The following OR5M8 variants were observed in gnomAD, a reference collection of about 807,000 sequenced individuals.
OR5M8 encodes olfactory receptor family 5 subfamily M member 8.
For missense variants in OR5M8, 445 were observed against 379.3 expected (o/e 1.17, Z -1.44); for synonymous variants, 163 against 141.5 (o/e 1.15, Z -1.08).
Position 56,491,298 on chromosome 11 carries a change from G to C in OR5M8, c.73C>G (p.Leu25Val), listed in dbSNP as rs776847184. 1 of 1,613,942 alleles carries C rather than the reference G, an allele frequency of 6.2e-7. No individual in the cohort carries two copies. Among genetic ancestry groups the C allele is most frequent in the African/African-American group, 1.3e-5 (1 of 75,032 alleles). The change falls in exon 1 of 1, where the codon CTC becomes GTC. Residue 25 changes from leucine (L) to valine (V), a missense_variant. Transcript: ENST00000327216. ...GLTSRRELQI[L>V]LFTLFLAIYM... ...ATGGCCAGAAACAGCGTGAAGAGGA[G>C]AATTTGTAATTCCCGGCGACTGGTC...
rs1423118549 is a variant in OR5M8 at position 56,491,198 on chromosome 11, A to T, written c.173T>A (p.Met58Lys). ...GGATAAGTGGCTCAGGAAAAAGTACATGGGCATGTGGAGCCAGGCGTTGGC... is the reference window on the plus strand; with the variant it reads ...GGATAAGTGGCTCAGGAAAAAGTACTTGGGCATGTGGAGCCAGGCGTTGGC... ...IQANAWLHMP[M>K]YFFLSHLSFV... The change falls in exon 1 of 1, where the codon ATG becomes AAG. Residue 58 changes from methionine (M) to lysine (K), a missense_variant. Met to Lys is a moderately conservative substitution (Grantham distance 95). Transcript: ENST00000327216. 1 of 1,614,098 alleles carries T rather than the reference A, an allele frequency of 6.2e-7. No homozygotes were observed. Among genetic ancestry groups the T allele is most frequent in the South Asian group, 1.1e-5 (1 of 91,084 alleles).
rs1434403732 is a variant in OR5M8, at chr11:56,490,989, G to A, written c.382C>T (p.Pro128Ser). 1.2e-6 allele frequency: 2 copies of A among 1,614,152 alleles called. No homozygotes were observed. The highest frequency in any genetic ancestry group is 1.7e-6 in the Non-Finnish European group (2 of 1,179,998). The change falls in exon 1 of 1, where the codon CCT (proline) becomes TCT (serine). Residue 128 changes from proline (P) to serine (S), a missense_variant. Transcript: ENST00000327216. ...GACATTCTGCTGCCATAAAGCAGAG[G>A]GTTGCAGATGGCCATGTACCGGTCA... is the stretch of plus-strand genomic sequence containing the variant. Reference protein sequence around the residue: ...AFDRYMAICNPLLYGSRMSKS... With the variant: ...AFDRYMAICNSLLYGSRMSKS...
chr11:56,491,268 T>A lies in OR5M8; in HGVS notation c.103A>T (p.Met35Leu), dbSNP rs779390530. 6.2e-7 allele frequency: 1 copy of A among 1,613,976 alleles called. No individual in the cohort carries two copies. Among genetic ancestry groups the A allele is most frequent in the African/African-American group, 1.3e-5 (1 of 74,906 alleles). The stretch of plus-strand genomic sequence containing the variant: ...CCAAGGTTCCCTGCCACCGTGACCA[T>A]GTAAATGGCCAGAAACAGCGTGAAG... ...LLFTLFLAIY[M>L]VTVAGNLGMI... is the part of the protein sequence containing the mutation. Residue 35 changes from methionine to leucine, a missense_variant, in exon 1 of 1, where the codon ATG (methionine) becomes TTG (leucine). Met to Leu is a conservative substitution (Grantham distance 15). Coordinates refer to ENST00000327216, the MANE Select transcript of OR5M8 (RefSeq NM_001005282.1).
Position 56,491,062 on chromosome 11 carries a change from A to G in OR5M8, c.309T>C (p.Phe103=). 6.2e-7 allele frequency: 1 copy of G among 1,614,180 alleles called. No individual in the cohort carries two copies. Among genetic ancestry groups the G allele is most frequent in the Non-Finnish European group, 8.5e-7 (1 of 1,179,984 alleles). ...AGATCTCAACATGGACCAAGGCGAT[A>G]AAAAGGTAACACTGCACAAGACAGG... ...YPACLVQCYL[F]IALVHVEIYI... is the part of the protein sequence containing the mutation. The change falls in exon 1 of 1, where the codon TTT becomes TTC. Residue 103 remains phenylalanine (F), a synonymous_variant. Coordinates refer to ENST00000327216, the MANE Select transcript of OR5M8 (RefSeq NM_001005282.1).
In OR5M8 at chr11:56,491,249, T is replaced by G. The variant is rs750183684; in HGVS notation, c.122A>C (p.Asn41Thr). ...LAIYMVTVAG[N>T]LGMIVLIQAN... is the part of the protein sequence containing the mutation. ...CTGGATGAGGACAATCATGCCAAGGTTCCCTGCCACCGTGACCATGTAAAT... is the reference window on the plus strand; with the variant it reads ...CTGGATGAGGACAATCATGCCAAGGGTCCCTGCCACCGTGACCATGTAAAT... The change falls in exon 1 of 1, where the codon AAC becomes ACC. Residue 41 changes from asparagine (N) to threonine (T), a missense_variant. Coordinates refer to ENST00000327216, the MANE Select transcript of OR5M8 (RefSeq NM_001005282.1). 3 of 1,613,834 alleles carry G rather than the reference T, an allele frequency of 1.9e-6. No homozygotes were observed. In the South Asian group the frequency reaches 3.3e-5, roughly 18 times the overall value.
At position 56,491,074 on chromosome 11, in the gene OR5M8, C is replaced by G; in HGVS notation, c.297G>C (p.Gln99His). 1.2e-6 allele frequency: 2 copies of G among 1,614,226 alleles called. No individual in the cohort carries two copies. The highest frequency in any genetic ancestry group is 1.7e-6 in the Non-Finnish European group (2 of 1,180,038). The change falls in exon 1 of 1, where the codon CAG (glutamine) becomes CAC (histidine). Residue 99 changes from glutamine (Q) to histidine (H), a missense_variant. Gln to His is a conservative substitution (Grantham distance 24, BLOSUM62 0). Coordinates refer to ENST00000327216, the MANE Select transcript of OR5M8 (RefSeq NM_001005282.1). ...GGACCAAGGCGATAAAAAGGTAACA[C>G]TGCACAAGACAGGCAGGATAGGAAA... ...KSISYPACLVQCYLFIALVHV... is the reference protein window; with the variant it reads ...KSISYPACLVHCYLFIALVHV...
chr11:56,491,185 C>G lies in OR5M8; in HGVS notation c.186G>C (p.Leu62=). 1 of 1,614,146 alleles carries G rather than the reference C, an allele frequency of 6.2e-7. No individual in the cohort carries two copies. Among genetic ancestry groups the G allele is most frequent in the Non-Finnish European group, 8.5e-7 (1 of 1,180,024 alleles). The change falls in exon 1 of 1, where the codon CTG becomes CTC. Residue 62 remains leucine, a synonymous_variant. Transcript: ENST00000327216. ...AWLHMPMYFF[L]SHLSFVDLCF... is the part of the protein sequence containing the mutation. ...ACAGATCCACGAAGGATAAGTGGCT[C>G]AGGAAAAAGTACATGGGCATGTGGA...
chr11:56,490,897 C>T lies in OR5M8; in HGVS notation c.474G>A (p.Glu158=), dbSNP rs746853703. The change falls in exon 1 of 1, where the codon GAG becomes GAA. Residue 158 remains glutamate (E), a synonymous_variant. Coordinates refer to ENST00000327216, the MANE Select transcript of OR5M8 (RefSeq NM_001005282.1). ...AGGCTAGGTTGTAGGTCCACATGGT[C>T]TCCATCAGGCCAGTGAGCGCTCCAT... is the stretch of plus-strand genomic sequence containing the variant. The part of the protein sequence containing the change: ...YVYGALTGLM[E]TMWTYNLAFC... The T allele has an allele frequency of 1.9e-6, 3 of 1,613,786 alleles. No homozygotes were observed. The highest frequency in any genetic ancestry group is 2.5e-6 in the Non-Finnish European group (3 of 1,179,908).
rs574852072 is a variant in OR5M8 at position 56,491,312 on chromosome 11, C to T, written c.59G>A (p.Arg20Gln). 2.1e-4 allele frequency: 342 copies of T among 1,613,612 alleles called. 7 individuals are homozygous for T. The South Asian group carries it at 2.9e-3, about 13-fold the overall frequency. Reference sequence around the variant, plus strand: ...CGTGAAGAGGAGAATTTGTAATTCCCGGCGACTGGTCAGTCCCAGGAGAAT... The same window carrying T: ...CGTGAAGAGGAGAATTTGTAATTCCTGGCGACTGGTCAGTCCCAGGAGAAT... ...EFILLGLTSR[R>Q]ELQILLFTLF... The change falls in exon 1 of 1, where the codon CGG becomes CAG. Residue 20 changes from arginine to glutamine, a missense_variant. Transcript: ENST00000327216.
rs1193734234 is a variant in OR5M8, at chr11:56,491,006, T to C, written c.365A>G (p.Tyr122Cys). The C allele has an allele frequency of 1.9e-6, 3 of 1,614,084 alleles. No homozygotes were observed. Among genetic ancestry groups the C allele is most frequent in the Non-Finnish European group, 2.5e-6 (3 of 1,179,962 alleles). ...YILAVMAFDR[Y>C]MAICNPLLYG... is the part of the protein sequence containing the mutation. ...AAGCAGAGGGTTGCAGATGGCCATG[T>C]ACCGGTCAAAGGCCATCACAGCCAG... is the stretch of plus-strand genomic sequence containing the variant. Residue 122 changes from tyrosine to cysteine, a missense_variant, in exon 1 of 1, where the codon TAC becomes TGC. Transcript: ENST00000327216.
rs769202305 is a variant in OR5M8 at position 56,490,619 on chromosome 11, T to C, written c.752A>G (p.Tyr251Cys). ...GAGATACATGAAGAAAAGGGTTGCA[T>C]AGAATATAGTGACAGCTGTCAGATG... ...GSHLTAVTIF[Y>C]ATLFFMYLRP... Residue 251 changes from tyrosine to cysteine, a missense_variant, in exon 1 of 1, where the codon TAT becomes TGT. Coordinates refer to ENST00000327216, the MANE Select transcript of OR5M8 (RefSeq NM_001005282.1). 5.0e-6 allele frequency: 8 copies of C among 1,613,906 alleles called. No individual in the cohort carries two copies. Among genetic ancestry groups the C allele is most frequent in the African/African-American group, 2.7e-5 (2 of 74,910 alleles).
At position 56,491,179 on chromosome 11, in the gene OR5M8, G is replaced by C. The variant is rs1853849565; in HGVS notation, c.192C>G (p.His64Gln). 1 of 1,614,102 alleles carries C rather than the reference G, an allele frequency of 6.2e-7. No homozygotes were observed. Among genetic ancestry groups the C allele is most frequent in the African/African-American group, 1.3e-5 (1 of 74,932 alleles). Residue 64 changes from histidine (H) to glutamine (Q), a missense_variant, in exon 1 of 1, where the codon CAC (histidine) becomes CAG (glutamine). Transcript: ENST00000327216. ...LHMPMYFFLSHLSFVDLCFSS... is the reference protein window; with the variant it reads ...LHMPMYFFLSQLSFVDLCFSS... ...AGAAGCACAGATCCACGAAGGATAAGTGGCTCAGGAAAAAGTACATGGGCA... is the reference window on the plus strand; with the variant it reads ...AGAAGCACAGATCCACGAAGGATAACTGGCTCAGGAAAAAGTACATGGGCA...
chr11:56,491,188 G>C lies in OR5M8; in HGVS notation c.183C>G (p.Phe61Leu). 3.7e-6 allele frequency: 6 copies of C among 1,614,178 alleles called. No homozygotes were observed. The highest frequency in any genetic ancestry group is 5.1e-6 in the Non-Finnish European group (6 of 1,180,026). The change falls in exon 1 of 1, where the codon TTC (phenylalanine) becomes TTG (leucine). Residue 61 changes from phenylalanine (F) to leucine (L), a missense_variant. Physicochemically the swap from Phe to Leu is conservative, Grantham distance 22. Coordinates refer to ENST00000327216, the MANE Select transcript of OR5M8 (RefSeq NM_001005282.1). ...NAWLHMPMYF[F>L]LSHLSFVDLC... ...GATCCACGAAGGATAAGTGGCTCAG[G>C]AAAAAGTACATGGGCATGTGGAGCC...
Position 56,490,553 on chromosome 11 carries a change from A to G in OR5M8, c.818T>C (p.Val273Ala). ...GATTACTGTGGTATAAAATACAGCT[A>G]CCATTTTACCCTGTTCAACAGATTC... Reference protein sequence around the residue: ...SKESVEQGKMVAVFYTTVIPM... With the variant: ...SKESVEQGKMAAVFYTTVIPM... Residue 273 changes from valine (V) to alanine (A), a missense_variant, in exon 1 of 1, where the codon GTA (valine) becomes GCA (alanine). Physicochemically the swap from Val to Ala is moderately conservative, Grantham distance 64. Transcript: ENST00000327216. 4.3e-6 allele frequency: 7 copies of G among 1,611,872 alleles called. No homozygotes were observed. The highest frequency in any genetic ancestry group is 5.9e-6 in the Non-Finnish European group (7 of 1,177,908).
Position 56,490,566 on chromosome 11 carries a change from G to T in OR5M8, c.805C>A (p.Gln269Lys), listed in dbSNP as rs761861549. The change falls in exon 1 of 1, where the codon CAG becomes AAG. Residue 269 changes from glutamine (Q) to lysine (K), a missense_variant. Transcript: ENST00000327216. ...LRPPSKESVE[Q>K]GKMVAVFYTT... ...TAAAATACAGCTACCATTTTACCCT[G>T]TTCAACAGATTCCTTTGAGGGGGGT... 21 of 1,613,318 alleles carry T rather than the reference G, an allele frequency of 1.3e-5. No homozygotes were observed. The highest frequency in any genetic ancestry group is 1.7e-5 in the Non-Finnish European group (20 of 1,179,388).
chr11:56,490,763 C>G lies in OR5M8; in HGVS notation c.608G>C (p.Gly203Ala), dbSNP rs1853843007. 6.2e-7 allele frequency: 1 copy of G among 1,614,020 alleles called. No homozygotes were observed. Among genetic ancestry groups the G allele is most frequent in the African/African-American group, 1.3e-5 (1 of 74,914 alleles). ...GAAGAGAGAAAAAGAAAGGTTCCAG[C>G]CAGCCACAATAAACATTGACAACTC... Reference protein sequence around the residue: ...NKELSMFIVAGWNLSFSLFII... With the variant: ...NKELSMFIVAAWNLSFSLFII... Residue 203 changes from glycine (G) to alanine (A), a missense_variant, in exon 1 of 1, where the codon GGC (glycine) becomes GCC (alanine). Physicochemically the swap from Gly to Ala is moderately conservative, Grantham distance 60 (BLOSUM62 0). Transcript: ENST00000327216.
rs772966010 is a variant in OR5M8, at chr11:56,490,520, A to C, written c.851T>G (p.Leu284Arg). ...TCTAAGGCTATAAATTATAAGGTTC[A>C]GCATAGGGATTACTGTGGTATAAAA... The part of the protein sequence containing the change: ...AVFYTTVIPM[L>R]NLIIYSLRNK... The change falls in exon 1 of 1, where the codon CTG becomes CGG. Residue 284 changes from leucine (L) to arginine (R), a missense_variant. Leu to Arg is a moderately radical substitution (Grantham distance 102). Transcript: ENST00000327216. The C allele has an allele frequency of 1.2e-6, 2 of 1,601,052 alleles. No homozygotes were observed.
chr11:56,490,646 GA>G lies in OR5M8; in HGVS notation c.724del (p.Ser242ProfsTer3), dbSNP rs1853839855. 1 of 1,613,792 alleles carries G rather than the reference GA, an allele frequency of 6.2e-7. No individual in the cohort carries two copies. Among genetic ancestry groups the G allele is most frequent in the Non-Finnish European group, 8.5e-7 (1 of 1,179,960 alleles). On this transcript the variant is annotated frameshift_variant, in exon 1 of 1. Transcript: ENST00000327216. LOFTEE classifies it low-confidence loss of function (END_TRUNC). ...GRQKAFSTCG[S>X]HLTAVTIFYA... ...GAATATAGTGACAGCTGTCAGATGG[GA>G]GCCACAGGTAGAAAAAGCTTTTTGC...
At position 56,491,269 on chromosome 11, in the gene OR5M8, G is replaced by T; in HGVS notation, c.102C>A (p.Tyr34Ter). 6.2e-7 allele frequency: 1 copy of T among 1,614,090 alleles called. No homozygotes were observed. The highest frequency in any genetic ancestry group is 1.1e-5 in the South Asian group (1 of 91,080). ...CAAGGTTCCCTGCCACCGTGACCATGTAAATGGCCAGAAACAGCGTGAAGA... is the reference window on the plus strand; with the variant it reads ...CAAGGTTCCCTGCCACCGTGACCATTTAAATGGCCAGAAACAGCGTGAAGA... The part of the protein sequence containing the change: ...ILLFTLFLAI[Y>*]MVTVAGNLGM... Residue 34 changes from tyrosine (Y) to a stop codon, truncating the protein, a stop_gained, in exon 1 of 1, where the codon TAC becomes TAA. Transcript: ENST00000327216. LOFTEE classifies it low-confidence loss of function (END_TRUNC).
Sources: allele counts gnomAD v4.1 joint callset, GRCh38; gene constraint gnomAD v4.1.1; transcripts MANE v1.5; gene names NCBI Gene and HGNC (gene_info 2026-07-23, HGNC 2026-07-21).